Variants in SHANK2 observed in about 807,000 individuals in gnomAD.
SHANK2 encodes the protein SH3 and multiple ankyrin repeat domains protein 2.
Under a neutral mutation model 133.7 loss-of-function variants are expected in SHANK2, and 43 were observed. That is an observed-to-expected ratio of 0.32 (90% confidence interval 0.25 to 0.41). The LOEUF (loss-of-function observed/expected upper bound fraction) is 0.41. Ranked by LOEUF, SHANK2 falls within the 10% of genes least tolerant of loss-of-function variation. The pLI, the probability that SHANK2 is intolerant of heterozygous loss-of-function variation, is 1.00. For missense variants in SHANK2, 1,994 were observed against 2,235.8 expected (o/e 0.89, Z 2.18); for synonymous variants, 1,017 against 952.8 (o/e 1.07, Z -1.24).
chr11:71,231,465 G>T (rs1954740161), intron 1 of SHANK2, among the ~76,000 whole-genome samples: 1 of 152,204 alleles, frequency 6.6e-6, no homozygotes, highest in South Asian at 2.1e-4. Flanking sequence ...CTTACACGTT[G>T]CTGGTGGAAA....
chr11:71,136,020 T>G (rs2135356619), intron 3 of SHANK2, among the ~76,000 whole-genome samples: 1 of 152,162 alleles, frequency 6.6e-6, no homozygotes. Context: ...CTATAGGAGC[T>G]GTAGAGATGG....
At chr11:71,129,871 G>A (rs1952265330) in intron 3 of SHANK2, among the ~76,000 whole-genome samples, 2 of 152,176 alleles carry the variant, frequency 1.3e-5, no homozygotes, top group Non-Finnish European at 2.9e-5. Context: ...CCACAAAACA[G>A]GCTGCTTAAA....
intron 11 of SHANK2, among the ~76,000 whole-genome samples, chr11:70,836,082 C>T (rs993760693): frequency 6.6e-6 from 1 of 152,208 alleles, no homozygotes; most frequent in East Asian, 1.9e-4. Context: ...GTAGGAGTGT[C>T]GCTCCGTTTC....
At chr11:70,915,522 C>A (rs937136239) in intron 10 of SHANK2, among the ~76,000 whole-genome samples, 1 of 152,160 alleles carries the variant, frequency 6.6e-6, no homozygotes, top group Admixed American at 6.5e-5. Context: ...ACTCCCATGG[C>A]TAACATGGGA....
intron 17 of SHANK2, among the ~76,000 whole-genome samples, chr11:70,641,779 G>A (rs921950740): frequency 6.6e-6 from 1 of 152,252 alleles, no homozygotes; most frequent in East Asian, 1.9e-4. Flanking sequence ...GGCTTGTTAC[G>A]GTGTCCAGCA....
chr11:70,704,536 C>T (rs1555024498), intron 14 of SHANK2, among the ~76,000 whole-genome samples: 2 of 152,166 alleles, frequency 1.3e-5, no homozygotes, highest in African/African-American at 4.8e-5. Flanking sequence ...AGTAAGTGAC[C>T]CAGGGCCCAC....
chr11:71,247,151 C>T (rs1194352064), intron 1 of SHANK2, among the ~76,000 whole-genome samples: 2 of 152,048 alleles, frequency 1.3e-5, no homozygotes, highest in South Asian at 2.1e-4. Context: ...AAGAAAAGAA[C>T]GATGAAAATG....
chr11:70,786,804 C>A lies in SHANK2; in HGVS notation c.1777+11639G>T, dbSNP rs371068789. ...CAGTAGCGTTCACCAAGGTGGAGTG[C>A]CAGACTTGACTAGCATCATCCCTTT... is the stretch of plus-strand genomic sequence containing the variant. On this transcript the variant is annotated intron_variant, in intron 14 of 25. Coordinates refer to ENST00000601538, the MANE Select transcript of SHANK2 (RefSeq NM_012309.5). 8.5e-5 allele frequency among the ~76,000 whole-genome samples: 13 copies of A among 152,278 alleles called. No individual in the cohort carries two copies. The South Asian group carries it at 2.7e-3, about 32-fold the overall frequency.
chr11:71,253,076 TG>T (rs1948216165), upstream of SHANK2, among the ~76,000 whole-genome samples: 1 of 151,506 alleles, frequency 6.6e-6, no homozygotes, highest in Non-Finnish European at 1.5e-5. Context: ...CCACCAGTTC[TG>T]GGGCGCCTTC....
In SHANK2 at chr11:70,487,573, T is replaced by A; in HGVS notation, c.2720A>T (p.Asn907Ile). 1.2e-6 allele frequency: 2 copies of A among 1,612,912 alleles called. No individual in the cohort carries two copies. Among genetic ancestry groups the A allele is most frequent in the Non-Finnish European group, 1.7e-6 (2 of 1,179,668 alleles). Reference protein sequence around the residue: ...SPPPPSPTTYNCPKSPTPRVY... With the variant: ...SPPPPSPTTYICPKSPTPRVY... ...TCTTGGAGTTGGGGACTTGGGGCAG[T>A]TGTAAGTGGTTGGGGAAGGTGGTGG... The change falls in exon 25 of 26, where the codon AAC (asparagine) becomes ATC (isoleucine). Residue 907 changes from asparagine to isoleucine, a missense_variant. Around this residue, in one of 5 missense-constraint regions of SHANK2, gnomAD observed 488 missense variants for 642.6 expected, o/e 0.76. Coordinates refer to ENST00000601538, the MANE Select transcript of SHANK2 (RefSeq NM_012309.5). The surrounding 1 kb of genome is among the most constrained non-coding windows in gnomAD (Gnocchi z 5.8).
Position 71,094,703 on chromosome 11 carries a change from C to A in SHANK2, c.593-15G>T. ...CAGGGGGGTCTCTGAGGAACCCAAA[C>A]ACACACACTTTAGAACCAACATTTG... On this transcript the variant is annotated splice_polypyrimidine_tract_variant and intron_variant, in intron 6 of 25. Transcript: ENST00000601538. The A allele has an allele frequency of 6.4e-7, 1 of 1,550,684 alleles. No homozygotes were observed. The highest frequency in any genetic ancestry group is 8.7e-7 in the Non-Finnish European group (1 of 1,146,166).
At chr11:70,564,577 C>T (rs919544005) in intron 17 of SHANK2, among the ~76,000 whole-genome samples, 4 of 152,014 alleles carry the variant, frequency 2.6e-5, no homozygotes, top group Non-Finnish European at 4.4e-5. Flanking sequence ...ATTTTTTCTC[C>T]CCTCCCCCTA....
intron 10 of SHANK2, chr11:70,944,051 G>T (rs1170724020): frequency 2.3e-6 from 1 of 441,548 alleles, no homozygotes; most frequent in Non-Finnish European, 4.6e-6. Context: ...TGCTATTATG[G>T]CTAGCTACAT....
At position 71,078,442 on chromosome 11, in the gene SHANK2, G is replaced by A. The variant is rs1200270506; in HGVS notation, c.913-3167C>T. ...AGCAACCATAATAGCATTAATTCTG[G>A]CAAGAAAGGCCAATGGATGCCAAAA... On this transcript the variant is annotated intron_variant, in intron 8 of 25. Transcript: ENST00000601538. Among the ~76,000 whole-genome samples the A allele has an allele frequency of 5.3e-5, 8 of 152,142 alleles. 1 individual carries two copies.
At chr11:70,736,111 C>G (rs1555033493) in intron 14 of SHANK2, among the ~76,000 whole-genome samples, 1 of 151,608 alleles carries the variant, frequency 6.6e-6, no homozygotes, top group African/African-American at 2.4e-5. Flanking sequence ...AGAACCCAGC[C>G]AAGCCCAGTG....
At chr11:71,147,523 A>C (rs1481442593) in intron 2 of SHANK2, among the ~76,000 whole-genome samples, 185 bp from the exon 3 acceptor site, 2 of 152,120 alleles carry the variant, frequency 1.3e-5, no homozygotes, top group Admixed American at 1.3e-4. Context: ...GGCGGACACA[A>C]GTCGGCACCG....
intron 8 of SHANK2, among the ~76,000 whole-genome samples, chr11:71,086,640 A>G (rs955839022): frequency 6.6e-6 from 1 of 150,770 alleles, no homozygotes; most frequent in East Asian, 1.9e-4. Flanking sequence ...GAAGGCCTTA[A>G]GACTGAGGTC....
chr11:70,624,915 A>G (rs1198752822), intron 17 of SHANK2, among the ~76,000 whole-genome samples: 1 of 152,168 alleles, frequency 6.6e-6, no homozygotes, highest in Non-Finnish European at 1.5e-5. Flanking sequence ...GGGTGTCCCA[A>G]GGGTTCTCAC....
At chr11:70,597,019 A>G (rs1368184546) in intron 17 of SHANK2, among the ~76,000 whole-genome samples, 3 of 151,896 alleles carry the variant, frequency 2.0e-5, no homozygotes, top group African/African-American at 7.3e-5. Flanking sequence ...TGACTGGTCT[A>G]TATCTGTTTT....
Sources: allele counts gnomAD v4.1 joint callset (sites outside exome capture counted in the v4.1 genomes callset), GRCh38; gene constraint gnomAD v4.1.1; regional missense constraint gnomAD v4.1.1; non-coding constraint Gnocchi (gnomAD v3.1); transcripts MANE v1.5; gene names NCBI Gene and HGNC (gene_info 2026-07-23, HGNC 2026-07-21).